REG3A: variants seen among roughly 807,000 people sequenced by gnomAD.
The protein encoded by REG3A is regenerating family member 3 alpha, also known as regenerating islet-derived protein 3-alpha.
REG3A carries 15 observed loss-of-function variants against 20.5 expected under a neutral mutation model. The ratio of observed to expected loss-of-function variants is 0.73; its 90% CI spans 0.49 to 1.12. The LOEUF is 1.12. Ranked by LOEUF, REG3A falls within the 50% of genes most tolerant of loss-of-function variation. The pLI, the probability that REG3A is intolerant of heterozygous loss-of-function variation, is 0.00. For synonymous variants in REG3A, 93 were observed against 83.2 expected (o/e 1.12, Z -0.64); for missense variants, 224 against 213.1 (o/e 1.05, Z -0.32).
chr2:79,157,101 A>G lies in REG3A; in HGVS notation c.*125T>C. On this transcript the variant is annotated 3_prime_UTR_variant, in exon 6 of 6. Coordinates refer to ENST00000305165, the MANE Select transcript of REG3A (RefSeq NM_002580.3). The stretch of plus-strand genomic sequence containing the variant: ...GCGGGGAGGAAGAAACAGAAGAAAG[A>G]TAAGAATGAGGTGGTCAGGTTGGGG... 1 of 738,274 alleles carries G rather than the reference A, an allele frequency of 1.4e-6. No homozygotes were observed. The highest frequency in any genetic ancestry group is 2.1e-5 in the Admixed American group (1 of 47,846). The allele number at this position is 738,274 out of a possible 1,614,324, so 45.7% of individuals were successfully genotyped here.
At chr2:79,159,196 G>T in intron 2 of REG3A, 134 bp downstream of exon 2, 1 of 884,386 alleles carries the variant, frequency 1.1e-6, no homozygotes, top group Non-Finnish European at 1.8e-6. Flanking sequence ...GAAGGAAGGA[G>T]AGATGATGCA....
In REG3A at chr2:79,159,378, C is replaced by A. The variant is rs1209152267; in HGVS notation, c.28G>T (p.Val10Leu). Residue 10 changes from valine (V) to leucine (L), a missense_variant, in exon 2 of 6, where the codon GTA becomes TTA. Coordinates refer to ENST00000305165, the MANE Select transcript of REG3A (RefSeq NM_002580.3). MLPPMALPS[V>L]SWMLLSCLML... is the part of the protein sequence containing the mutation. The stretch of plus-strand genomic sequence containing the variant: ...AGGCAGGAAAGCAGCATCCAAGATA[C>A]ACTGGGCAGGGCCATGGGAGGCAGC... The A allele has an allele frequency of 6.2e-7, 1 of 1,613,902 alleles. No individual in the cohort carries two copies. The highest frequency in any genetic ancestry group is 1.7e-5 in the Admixed American group (1 of 59,984).
intron 5 of REG3A, 103 bp from the exon 6 acceptor site, chr2:79,157,396 C>T: frequency 4.1e-6 from 6 of 1,447,394 alleles, no homozygotes; most frequent in Non-Finnish European, 5.8e-6. Context: ...CTCTCCCTCA[C>T]CTTCACCAGT....
intron 5 of REG3A, 59 bp downstream of exon 5, chr2:79,157,513 C>G (rs1468617365): frequency 6.3e-7 from 1 of 1,597,722 alleles, no homozygotes; most frequent in Non-Finnish European, 8.5e-7. Context: ...GAAGGTCAGA[C>G]CCAGGAATGG....
Position 79,157,617 on chromosome 2 carries a change from T to C in REG3A, c.415A>G (p.Thr139Ala), listed in dbSNP as rs780972303. 5 of 1,614,114 alleles carry C rather than the reference T, an allele frequency of 3.1e-6. No individual in the cohort carries two copies. Among genetic ancestry groups the C allele is most frequent in the East Asian group, 2.2e-5 (1 of 44,870 alleles). ...NYFAWERNPS[T>A]ISSPGHCASL... Reference sequence around the variant, plus strand: ...GCACAGTGGCCGGGGCTTGAGATGGTGGAGGGATTTCTCTCCCATGCAAAG... The same window carrying C: ...GCACAGTGGCCGGGGCTTGAGATGGCGGAGGGATTTCTCTCCCATGCAAAG... Residue 139 changes from threonine to alanine, a missense_variant, in exon 5 of 6, where the codon ACC becomes GCC. Coordinates refer to ENST00000305165, the MANE Select transcript of REG3A (RefSeq NM_002580.3).
rs762763582 is a variant in REG3A, at chr2:79,157,589, C to T, written c.443G>A (p.Ser148Asn). Residue 148 changes from serine to asparagine, a missense_variant, in exon 5 of 6, where the codon AGC becomes AAC. By Grantham distance (46) the Ser-to-Asn change is conservative (BLOSUM62 1). Coordinates refer to ENST00000305165, the MANE Select transcript of REG3A (RefSeq NM_002580.3). ...STISSPGHCA[S>N]LSRSTAFLRW... ...TTTCTTACCTGTGCTTCTCGACAGG[C>T]TCGCACAGTGGCCGGGGCTTGAGAT... The T allele has an allele frequency of 3.7e-6, 6 of 1,614,034 alleles. No homozygotes were observed. The highest frequency in any genetic ancestry group is 5.1e-6 in the Non-Finnish European group (6 of 1,179,974).
In REG3A at chr2:79,158,737, G is replaced by T. The variant is rs538408283; in HGVS notation, c.109C>A (p.Arg37=). 2 of 1,613,984 alleles carry T rather than the reference G, an allele frequency of 1.2e-6. No individual in the cohort carries two copies. The highest frequency in any genetic ancestry group is 1.7e-5 in the Admixed American group (1 of 60,012). The stretch of plus-strand genomic sequence containing the variant: ...TTGGAGCCTTTGGGACAGCGGATCC[G>T]TGCAGAGGGCAGTTCCCTCTGGGGT... ...EEPQRELPSA[R]IRCPKGSKAY... The change falls in exon 3 of 6, where the codon CGG becomes AGG. Residue 37 remains arginine, a synonymous_variant. Transcript: ENST00000305165.
Position 79,158,277 on chromosome 2 carries a change from C to T in REG3A, c.333+49G>A, listed in dbSNP as rs1320861627. On this transcript the variant is annotated intron_variant, in intron 4 of 5. Coordinates refer to ENST00000305165, the MANE Select transcript of REG3A (RefSeq NM_002580.3). Reference sequence around the variant, plus strand: ...ACAGGGGACAGGGAGTGGGCCTGGGCAACAATAGCACCTTGAGAGGTAACA... The same window carrying T: ...ACAGGGGACAGGGAGTGGGCCTGGGTAACAATAGCACCTTGAGAGGTAACA... The T allele has an allele frequency of 3.8e-6, 6 of 1,590,088 alleles. No homozygotes were observed. In the Admixed American group the frequency reaches 5.1e-5, roughly 14 times the overall value.
rs752224662 is a variant in REG3A at position 79,158,648 on chromosome 2, C to A, written c.195+3G>T. The A allele has an allele frequency of 8.1e-6, 13 of 1,613,928 alleles. No homozygotes were observed. The highest frequency in any genetic ancestry group is 1.1e-5 in the Non-Finnish European group (13 of 1,179,866). ...ACCTCCAACACCACATCTAACCACT[C>A]ACATCTGCATCTGTCCAGGATTTTG... On this transcript the variant is annotated splice_donor_region_variant and intron_variant, in intron 3 of 5. Transcript: ENST00000305165.
In REG3A at chr2:79,157,273, A is replaced by G. The variant is rs544569659; in HGVS notation, c.481T>C (p.Tyr161His). Residue 161 changes from tyrosine to histidine, a missense_variant, in exon 6 of 6, where the codon TAT becomes CAT. By Grantham distance (83) the Tyr-to-His change is moderately conservative. Transcript: ENST00000305165. ...RSTAFLRWKD[Y>H]NCNVRLPYVC... is the part of the protein sequence containing the mutation. The stretch of plus-strand genomic sequence containing the variant: ...TAGGGTAACCTCACATTACAGTTAT[A>G]ATCTTTCCACCTCAGAAATGCTGGA... 4.3e-6 allele frequency: 7 copies of G among 1,613,886 alleles called. No individual in the cohort carries two copies. The South Asian group carries it at 5.5e-5, about 13-fold the overall frequency.
In REG3A at chr2:79,159,358, G is replaced by C; in HGVS notation, c.48C>G (p.Ser16=). ...ALPSVSWMLL[S]CLMLLSQVQG... ...GAACCTGAGACAGCAGCATGAGGCA[G>C]GAAAGCAGCATCCAAGATACACTGG... Residue 16 remains serine (S), a synonymous_variant, in exon 2 of 6, where the codon TCC becomes TCG. Coordinates refer to ENST00000305165, the MANE Select transcript of REG3A (RefSeq NM_002580.3). The C allele has an allele frequency of 6.2e-7, 1 of 1,613,916 alleles. No individual in the cohort carries two copies. Among genetic ancestry groups the C allele is most frequent in the South Asian group, 1.1e-5 (1 of 91,050 alleles).
chr2:79,158,463 G>A lies in REG3A; in HGVS notation c.196C>T (p.Leu66=), dbSNP rs1164294609. The change falls in exon 4 of 6, where the codon CTG becomes TTG. Residue 66 remains leucine (L), a splice_region_variant and synonymous_variant. Coordinates refer to ENST00000305165, the MANE Select transcript of REG3A (RefSeq NM_002580.3). ...CCAGAGGGCCGCTTCTGGCAGGCCA[G>A]CTTTGAGGGCAACAAAGAGAATGAG... The part of the protein sequence containing the change: ...LSPKSWTDAD[L]ACQKRPSGNL... 1 of 1,614,042 alleles carries A rather than the reference G, an allele frequency of 6.2e-7. No individual in the cohort carries two copies. Among genetic ancestry groups the A allele is most frequent in the Non-Finnish European group, 8.5e-7 (1 of 1,179,926 alleles).
At chr2:79,157,443 A>G in intron 5 of REG3A, 129 bp downstream of exon 5, 2 of 1,462,868 alleles carry the variant, frequency 1.4e-6, no homozygotes. Flanking sequence ...GAAAGTGGAG[A>G]AGAGAGGAGA....
At position 79,158,754 on chromosome 2, in the gene REG3A, C is replaced by T. The variant is rs757491659; in HGVS notation, c.92G>A (p.Arg31Lys). The T allele has an allele frequency of 8.7e-6, 14 of 1,613,716 alleles. No individual in the cohort carries two copies. In the South Asian group the frequency reaches 1.5e-4, roughly 18 times the overall value. The change falls in exon 3 of 6, where the codon AGG becomes AAG. Residue 31 changes from arginine (R) to lysine (K), a missense_variant. Transcript: ENST00000305165. Reference sequence around the variant, plus strand: ...GCGGATCCGTGCAGAGGGCAGTTCCCTCTGGGGTTCTTCACCTGAGGTGGA... The same window carrying T: ...GCGGATCCGTGCAGAGGGCAGTTCCTTCTGGGGTTCTTCACCTGAGGTGGA... ...LSQVQGEEPQ[R>K]ELPSARIRCP...
chr2:79,159,389 G>T lies in REG3A; in HGVS notation c.17C>A (p.Ala6Asp). 1.2e-6 allele frequency: 2 copies of T among 1,613,890 alleles called. No individual in the cohort carries two copies. Among genetic ancestry groups the T allele is most frequent in the Non-Finnish European group, 8.5e-7 (1 of 1,179,964 alleles). Residue 6 changes from alanine (A) to aspartate (D), a missense_variant, in exon 2 of 6, where the codon GCC (alanine) becomes GAC (aspartate). Ala to Asp is a moderately radical substitution (Grantham distance 126, BLOSUM62 -2). Coordinates refer to ENST00000305165, the MANE Select transcript of REG3A (RefSeq NM_002580.3). ...CAGCATCCAAGATACACTGGGCAGG[G>T]CCATGGGAGGCAGCATAGTGTCTGC... MLPPMALPSVSWMLLS... is the reference protein window; with the variant it reads MLPPMDLPSVSWMLLS...
In REG3A at chr2:79,157,220, C is replaced by T; in HGVS notation, c.*6G>A. 2 of 1,612,664 alleles carry T rather than the reference C, an allele frequency of 1.2e-6. No individual in the cohort carries two copies. Among genetic ancestry groups the T allele is most frequent in the Non-Finnish European group, 1.7e-6 (2 of 1,178,662 alleles). ...CCAAACACAGGCTGCTGACTTCCCT[C>T]CTGCACTAGTCAGTGAACTTGCAGA... is the stretch of plus-strand genomic sequence containing the variant. On this transcript the variant is annotated 3_prime_UTR_variant, in exon 6 of 6. Transcript: ENST00000305165.
At chr2:79,159,550 C>G in intron 1 of REG3A, 111 bp from the exon 2 acceptor site, 3 of 761,524 alleles carry the variant, frequency 3.9e-6, no homozygotes, top group Non-Finnish European at 4.4e-6. Context: ...CCATCATCTT[C>G]TACAGTTCTG....
In REG3A at chr2:79,159,417, C is replaced by T. The variant is rs947825126; in HGVS notation, c.-12G>A. ...ATGGGAGGCAGCATAGTGTCTGCGACTTGAGGAGGCAATCAGGAGTCACTA... is the reference window on the plus strand; with the variant it reads ...ATGGGAGGCAGCATAGTGTCTGCGATTTGAGGAGGCAATCAGGAGTCACTA... On this transcript the variant is annotated 5_prime_UTR_variant, in exon 2 of 6. Coordinates refer to ENST00000305165, the MANE Select transcript of REG3A (RefSeq NM_002580.3). 6.2e-7 allele frequency: 1 copy of T among 1,613,414 alleles called. No individual in the cohort carries two copies. Among genetic ancestry groups the T allele is most frequent in the Non-Finnish European group, 8.5e-7 (1 of 1,179,782 alleles).
chr2:79,158,737 G>A lies in REG3A; in HGVS notation c.109C>T (p.Arg37Trp), dbSNP rs538408283. 1.8e-5 allele frequency: 29 copies of A among 1,613,866 alleles called. No individual in the cohort carries two copies. The highest frequency in any genetic ancestry group is 5.0e-5 in the Admixed American group (3 of 59,992). Residue 37 changes from arginine to tryptophan, a missense_variant, in exon 3 of 6, where the codon CGG (arginine) becomes TGG (tryptophan). By Grantham distance (101) the Arg-to-Trp change is moderately radical (BLOSUM62 -3). Coordinates refer to ENST00000305165, the MANE Select transcript of REG3A (RefSeq NM_002580.3). Reference sequence around the variant, plus strand: ...TTGGAGCCTTTGGGACAGCGGATCCGTGCAGAGGGCAGTTCCCTCTGGGGT... The same window carrying A: ...TTGGAGCCTTTGGGACAGCGGATCCATGCAGAGGGCAGTTCCCTCTGGGGT... ...EEPQRELPSARIRCPKGSKAY... is the reference protein window; with the variant it reads ...EEPQRELPSAWIRCPKGSKAY...
Sources: allele counts gnomAD v4.1 joint callset, GRCh38; gene constraint gnomAD v4.1.1; transcripts MANE v1.5; gene names NCBI Gene and HGNC (gene_info 2026-07-23, HGNC 2026-07-21).